Variants in BANP observed in about 807,000 individuals in gnomAD.
BANP encodes the protein protein BANP.
Under a neutral mutation model 68.1 loss-of-function variants are expected in BANP, and 11 were observed. The ratio of observed to expected loss-of-function variants is 0.16; its 90% CI spans 0.10 to 0.27. BANP has a LOEUF of 0.27. Ranked by LOEUF, BANP falls within the 10% of genes least tolerant of loss-of-function variation. The pLI, the probability that BANP is intolerant of heterozygous loss-of-function variation, is 1.00. For missense variants in BANP, 504 were observed against 722.7 expected (o/e 0.70, Z 3.47); for synonymous variants, 329 against 303.2 (o/e 1.09, Z -0.88).
chr16:88,021,599 G>A (rs2076038640), intron 7 of BANP, among the ~76,000 whole-genome samples: 1 of 152,192 alleles, frequency 6.6e-6, no homozygotes, highest in Admixed American at 6.5e-5. Context: ...TAAAAAGCAT[G>A]GCTTTACCTT....
Position 88,016,608 on chromosome 16 carries a change from G to A in BANP, c.656-1820G>A, listed in dbSNP as rs140192048. 6.4e-3 allele frequency among the ~76,000 whole-genome samples: 968 copies of A among 152,324 alleles called. 5 individuals carry two copies. Among genetic ancestry groups the A allele is most frequent in the Middle Eastern group, 0.01 (3 of 294 alleles). ...GCCCTTGGGTGTCCCGTAAGGATTCGTAGATACATTCGTAGAATCCCCGGA... is the reference window on the plus strand; with the variant it reads ...GCCCTTGGGTGTCCCGTAAGGATTCATAGATACATTCGTAGAATCCCCGGA... On this transcript the variant is annotated intron_variant, in intron 6 of 13. Transcript: ENST00000682872.
intron 6 of BANP, among the ~76,000 whole-genome samples, chr16:88,009,097 CTT>C (rs983566489): frequency 5.3e-5 from 8 of 152,148 alleles, no homozygotes; most frequent in African/African-American, 1.9e-4. Flanking sequence ...ATTAATGTCT[CTT>C]ATGTCAGATT....
intron 1 of BANP, among the ~76,000 whole-genome samples, chr16:87,964,666 C>T (rs2059735100): frequency 6.6e-6 from 1 of 152,152 alleles, no homozygotes; most frequent in African/African-American, 2.4e-5. Flanking sequence ...CTTGAGCGCT[C>T]TTTATCGTGA....
intron 4 of BANP, among the ~76,000 whole-genome samples, chr16:87,994,917 T>C (rs79901038): frequency 7.4e-4 from 113 of 152,292 alleles, no homozygotes; most frequent in African/African-American, 2.6e-3. Flanking sequence ...GTGATTAGCA[T>C]GGTGGGAGGC....
intron 1 of BANP, among the ~76,000 whole-genome samples, chr16:87,969,710 C>G (rs1036829175): frequency 3.0e-4 from 45 of 151,326 alleles, no homozygotes; most frequent in Admixed American, 7.9e-4. Context: ...TTTTTTGTAT[C>G]TTTAGTAGAG....
chr16:87,951,668 G>C (rs1175501588), intron 1 of BANP, among the ~76,000 whole-genome samples, 153 bp downstream of exon 1: 2 of 145,788 alleles, frequency 1.4e-5, no homozygotes, highest in Non-Finnish European at 3.0e-5. Flanking sequence ...CCGGGCGATC[G>C]CCCCCCGGGC....
chr16:87,958,212 A>G (rs1232220748), intron 1 of BANP, among the ~76,000 whole-genome samples: 11 of 152,108 alleles, frequency 7.2e-5, no homozygotes, highest in Admixed American at 7.2e-4. Flanking sequence ...CTGAGTCCCT[A>G]GAAACTGACA....
At chr16:88,028,117 G>T (rs561659853) in intron 8 of BANP, among the ~76,000 whole-genome samples, 1 of 152,254 alleles carries the variant, frequency 6.6e-6, no homozygotes, top group Non-Finnish European at 1.5e-5. Context: ...TCGCTGGGGG[G>T]ATTGTTCTCC....
Position 87,984,268 on chromosome 16 carries a change from A to C in BANP, c.362+9A>C, listed in dbSNP as rs958131693. On this transcript the variant is annotated intron_variant, in intron 4 of 13. Transcript: ENST00000682872. ...TGCAACAAAGTGCGATGGTAAGAAC[A>C]GACCAGGGTGCCGGGGCCTTCAGGT... is the stretch of plus-strand genomic sequence containing the variant. 6.4e-7 allele frequency: 1 copy of C among 1,566,072 alleles called. No individual in the cohort carries two copies. The highest frequency in any genetic ancestry group is 1.4e-5 in the African/African-American group (1 of 73,452).
At position 88,071,379 on chromosome 16, in the gene BANP, G is replaced by T. The variant is rs756179540; in HGVS notation, c.1378-690G>T. On this transcript the variant is annotated intron_variant, in intron 12 of 13. Transcript: ENST00000682872. The surrounding 1 kb of genome is among the most constrained non-coding windows in gnomAD (Gnocchi z 6.5). ...GTGGATTGAGTGGGAAGTGGGCCTG[G>T]GTGCTTACAGGCGATGGGGTCACCA... The T allele has an allele frequency of 3.3e-5, 14 of 419,184 alleles. No individual in the cohort carries two copies. Among genetic ancestry groups the T allele is most frequent in the South Asian group, 2.2e-4 (13 of 58,504 alleles). 26.0% of individuals were successfully genotyped at this position (419,184 alleles called of 1,614,324 possible).
chr16:88,013,372 C>A (rs1447535886), intron 6 of BANP, among the ~76,000 whole-genome samples: 1 of 151,100 alleles, frequency 6.6e-6, no homozygotes, highest in African/African-American at 2.4e-5. Flanking sequence ...TGCAGTGTGA[C>A]GTGGGCCTGC....
At position 87,975,014 on chromosome 16, in the gene BANP, T is replaced by C. The variant is rs2061760635; in HGVS notation, c.-68-34T>C. The C allele has an allele frequency of 1.9e-5, 18 of 972,888 alleles. No homozygotes were observed. The Admixed American group carries it at 3.1e-4, about 17-fold the overall frequency. 60.3% of individuals were successfully genotyped at this position (972,888 alleles called of 1,614,324 possible). On this transcript the variant is annotated intron_variant, in intron 1 of 13. Transcript: ENST00000682872. ...TAATTTCACGTGTAGCGATGGTTAA[T>C]GTCCTCTCCTCCTCCTTTGCTTCTG...
chr16:87,960,837 A>C (rs2058996214), intron 1 of BANP, among the ~76,000 whole-genome samples: 1 of 152,264 alleles, frequency 6.6e-6, no homozygotes. Flanking sequence ...AAATGAGTGA[A>C]GTTAGCCTCT....
At chr16:87,993,535 G>A (rs1196416002) in intron 4 of BANP, among the ~76,000 whole-genome samples, 1 of 151,794 alleles carries the variant, frequency 6.6e-6, no homozygotes, top group Non-Finnish European at 1.5e-5. Context: ...GTTGGCTCCC[G>A]TGCCCCTTGA....
intron 13 of BANP, among the ~76,000 whole-genome samples, chr16:88,074,423 G>T (rs1208439365): frequency 6.6e-6 from 1 of 152,134 alleles, no homozygotes; most frequent in Non-Finnish European, 1.5e-5. Flanking sequence ...GGAGCAGTGG[G>T]TTGGGAGGGT....
At chr16:88,066,884 C>T (rs887617204) in intron 12 of BANP, among the ~76,000 whole-genome samples, 1 of 152,194 alleles carries the variant, frequency 6.6e-6, no homozygotes, top group Non-Finnish European at 1.5e-5. Flanking sequence ...AGAGGGGAGG[C>T]AGTGGCGCTG....
intron 11 of BANP, among the ~76,000 whole-genome samples, chr16:88,062,792 G>A (rs1159724787): frequency 1.3e-5 from 2 of 152,190 alleles, no homozygotes. Flanking sequence ...CACATTCATT[G>A]TTGGGCACTA....
At chr16:88,070,991 A>T (rs1421538407) in intron 12 of BANP, 3 of 156,792 alleles carry the variant, frequency 1.9e-5, no homozygotes, top group Admixed American at 1.9e-4. Context: ...AAGCACTTGC[A>T]GGTGAAAGCC....
intron 4 of BANP, among the ~76,000 whole-genome samples, chr16:87,989,979 A>T (rs1454961818): frequency 6.6e-6 from 1 of 152,174 alleles, no homozygotes; most frequent in African/African-American, 2.4e-5. Flanking sequence ...GGCTGCGCGC[A>T]TCCAGGACAC....
Sources: gnomAD v4.1 joint callset for allele counts (sites outside exome capture counted in the v4.1 genomes callset) on GRCh38, gnomAD v4.1.1 for gene constraint, Gnocchi (gnomAD v3.1) non-coding constraint, MANE v1.5 for transcripts, NCBI Gene and HGNC (gene_info 2026-07-23, HGNC 2026-07-21) for gene names.